LRP1B: variants seen among roughly 807,000 people sequenced by gnomAD.
The protein encoded by LRP1B is low-density lipoprotein receptor-related protein 1B.
LRP1B carries 217 observed loss-of-function variants against 556.6 expected under a neutral mutation model. The ratio of observed to expected loss-of-function variants is 0.39; its 90% CI spans 0.35 to 0.44. LRP1B has a LOEUF of 0.44. LRP1B is among the 20% of genes least tolerant of loss of function. The probability of loss-of-function intolerance (pLI) is 1.00; values close to 1 mark genes in which losing one functional copy is unlikely to be tolerated. For missense variants in LRP1B, 5,053 were observed against 5,620.8 expected (o/e 0.90, Z 3.23); for synonymous variants, 2,047 against 1,865.8 (o/e 1.10, Z -2.50).
intron 1 of LRP1B, among the ~76,000 whole-genome samples, chr2:142,022,325 T>C (rs938962647): frequency 6.9e-6 from 1 of 145,758 alleles, no homozygotes; most frequent in East Asian, 2.7e-4. Context: ...GAATAGATAG[T>C]ATAATCTCCA....
intron 35 of LRP1B, among the ~76,000 whole-genome samples, chr2:140,719,665 T>C (rs1687333867): frequency 6.6e-6 from 1 of 152,022 alleles, no homozygotes; most frequent in Non-Finnish European, 1.5e-5. Context: ...CTATAGGTAG[T>C]TTGTAATACT....
chr2:140,799,305 A>G (rs1470804375), intron 32 of LRP1B, among the ~76,000 whole-genome samples: 1 of 152,054 alleles, frequency 6.6e-6, no homozygotes, highest in Non-Finnish European at 1.5e-5. Context: ...TCATGATGGG[A>G]TTAGTAGAGA....
At chr2:141,623,857 A>G (rs1436362499) in intron 2 of LRP1B, among the ~76,000 whole-genome samples, 1 of 151,732 alleles carries the variant, frequency 6.6e-6, no homozygotes, top group Non-Finnish European at 1.5e-5. Context: ...TCTGCTAAAA[A>G]TACAAAAATT....
chr2:141,431,554 T>C (rs1559067144), intron 3 of LRP1B, among the ~76,000 whole-genome samples: 1 of 152,186 alleles, frequency 6.6e-6, no homozygotes, highest in Non-Finnish European at 1.5e-5. Flanking sequence ...AGGAATTGAA[T>C]TGCAGCTATA....
chr2:141,832,161 T>A (rs770502230), intron 1 of LRP1B, among the ~76,000 whole-genome samples: 16 of 151,908 alleles, frequency 1.1e-4, no homozygotes, highest in South Asian at 4.1e-4. Context: ...GGAATGACTA[T>A]CACTCAATTT....
intron 77 of LRP1B, among the ~76,000 whole-genome samples, chr2:140,345,751 C>CACAT (rs1681624847): frequency 1.7e-5 from 2 of 119,738 alleles, no homozygotes; most frequent in African/African-American, 6.3e-5. Flanking sequence ...TATATATACA[C>CACAT]ATATATACAT....
intron 84 of LRP1B, among the ~76,000 whole-genome samples, chr2:140,277,210 G>A (rs1332277326): frequency 6.6e-6 from 1 of 151,828 alleles, no homozygotes; most frequent in African/African-American, 2.4e-5. Context: ...TTAACTTAAA[G>A]TACTAAAGGT....
intron 3 of LRP1B, among the ~76,000 whole-genome samples, chr2:141,367,319 T>A (rs567951243): frequency 1.3e-5 from 2 of 152,208 alleles, no homozygotes; most frequent in South Asian, 4.1e-4. Flanking sequence ...CTATAATTTG[T>A]ATATGCATTA....
intron 1 of LRP1B, among the ~76,000 whole-genome samples, chr2:141,965,045 G>A (rs1180190114): frequency 7.9e-6 from 1 of 127,094 alleles, no homozygotes; most frequent in Non-Finnish European, 1.7e-5. Context: ...ACCACTATGA[G>A]ATATCATCTC....
At chr2:141,765,218 C>G (rs190061358) in intron 2 of LRP1B, among the ~76,000 whole-genome samples, 70 of 152,310 alleles carry the variant, frequency 4.6e-4, no homozygotes, top group African/African-American at 1.6e-3. Flanking sequence ...GGTTAATAAT[C>G]AGCCTGACAA....
At chr2:140,985,722 A>G (rs527806649) in intron 17 of LRP1B, among the ~76,000 whole-genome samples, 2 of 150,862 alleles carry the variant, frequency 1.3e-5, no homozygotes, top group East Asian at 3.9e-4. Context: ...ATCCTGGACA[A>G]TCTATTCTGG....
chr2:140,557,811 C>T (rs1249699328), intron 43 of LRP1B, among the ~76,000 whole-genome samples: 7 of 152,154 alleles, frequency 4.6e-5, no homozygotes, highest in African/African-American at 1.7e-4. Flanking sequence ...CCTATTGCAG[C>T]TTGCCTCTCT....
chr2:141,003,395 G>C (rs762320290), intron 15 of LRP1B, among the ~76,000 whole-genome samples: 1 of 152,028 alleles, frequency 6.6e-6, no homozygotes, highest in Non-Finnish European at 1.5e-5. Context: ...TGTAAAATGA[G>C]ATGGTGATAC....
At chr2:142,002,537 G>A (rs1559015215) in intron 1 of LRP1B, among the ~76,000 whole-genome samples, 1 of 150,648 alleles carries the variant, frequency 6.6e-6, no homozygotes, top group Non-Finnish European at 1.5e-5. Flanking sequence ...TATCTAGTAT[G>A]GGAGATTTAT....
rs13014867 is a variant in LRP1B, at chr2:140,581,399, G to C, written c.7194+17232C>G. ...TCAGATACGCTTTTTGTCCTTCTCA[G>C]CACATTTTGCTTGCACACACTATTG... is the stretch of plus-strand genomic sequence containing the variant. On this transcript the variant is annotated intron_variant, in intron 43 of 90. Transcript: ENST00000389484. Among the ~76,000 whole-genome samples, 380 of 152,048 alleles carry C rather than the reference G, an allele frequency of 2.5e-3. 1 individual carries two copies. Among genetic ancestry groups the C allele is most frequent in the Non-Finnish European group, 4.7e-3 (322 of 67,976 alleles).
At chr2:140,823,462 A>T (rs2105059151) in intron 31 of LRP1B, among the ~76,000 whole-genome samples, 1 of 152,256 alleles carries the variant, frequency 6.6e-6, no homozygotes, top group East Asian at 1.9e-4. Flanking sequence ...GTATTTAAGT[A>T]TTTCATGGTG....
intron 27 of LRP1B, among the ~76,000 whole-genome samples, chr2:140,863,390 G>A (rs1307050492): frequency 6.6e-6 from 1 of 152,106 alleles, no homozygotes; most frequent in Non-Finnish European, 1.5e-5. Flanking sequence ...GATGCAAAAT[G>A]TCAAACCCCA....
Position 142,130,884 on chromosome 2 carries a change from A to T in LRP1B, c.-155T>A, listed in dbSNP as rs766616403. ...ATTCTTCAGCTCAATGAGTCCAGCC[A>T]GTCAGCCTTCTCCTGCCTGGAGCAG... is the stretch of plus-strand genomic sequence containing the variant. On this transcript the variant is annotated 5_prime_UTR_variant, in exon 1 of 91. Coordinates refer to ENST00000389484, the MANE Select transcript of LRP1B (RefSeq NM_018557.3). 11 of 694,756 alleles carry T rather than the reference A, an allele frequency of 1.6e-5. No individual in the cohort carries two copies. Among genetic ancestry groups the T allele is most frequent in the Non-Finnish European group, 2.9e-5 (11 of 385,424 alleles). The allele number at this position is 694,756 out of a possible 1,614,324, so 43.0% of individuals were successfully genotyped here. A position where few individuals can be genotyped will look rare whatever the true frequency, so the allele number is the denominator to read the frequency against.
chr2:140,493,012 A>G (rs1344454424), intron 56 of LRP1B, among the ~76,000 whole-genome samples: 1 of 152,222 alleles, frequency 6.6e-6, no homozygotes, highest in Non-Finnish European at 1.5e-5. Context: ...TGAATTGCAG[A>G]AAAAGATAAT....
Sources: gnomAD v4.1 joint callset for allele counts (sites outside exome capture counted in the v4.1 genomes callset) on GRCh38, gnomAD v4.1.1 for gene constraint, MANE v1.5 for transcripts, NCBI Gene and HGNC (gene_info 2026-07-23, HGNC 2026-07-21) for gene names.